TNS3: variants seen among roughly 807,000 people sequenced by gnomAD.
TNS3 encodes tensin-3.
TNS3 carries 45 observed loss-of-function variants against 140.9 expected under a neutral mutation model. The observed-to-expected ratio is 0.32, with a 90% CI of 0.25 to 0.41. The LOEUF (loss-of-function observed/expected upper bound fraction) is 0.41, where lower values mean the gene tolerates loss of function less well. Among genes scored for constraint, TNS3 ranks in the 10% least tolerant of loss-of-function variants. The pLI is 1.00. For missense variants in TNS3, 1,716 were observed against 1,906.7 expected (o/e 0.90, Z 1.86); for synonymous variants, 815 against 788.4 (o/e 1.03, Z -0.56).
intron 2 of TNS3, among the ~76,000 whole-genome samples, chr7:47,524,770 CCG>C (rs1584811161): frequency 1.5e-5 from 2 of 134,616 alleles, no homozygotes; most frequent in Non-Finnish European, 3.1e-5. Context: ...CCACTGCAGT[CCG>C]CAGTCCGGCC....
At chr7:47,426,141 G>A (rs1794638079) in intron 9 of TNS3, among the ~76,000 whole-genome samples, 1 of 152,082 alleles carries the variant, frequency 6.6e-6, no homozygotes, top group Non-Finnish European at 1.5e-5. Flanking sequence ...AATTAGCTGG[G>A]CATAGTGGCG....
intron 7 of TNS3, among the ~76,000 whole-genome samples, chr7:47,436,240 T>TA (rs1795175991): frequency 6.6e-6 from 1 of 152,238 alleles, no homozygotes; most frequent in African/African-American, 2.4e-5. Context: ...ATTGAGATAC[T>TA]ATTATACATA....
chr7:47,280,225 T>A, intron 29 of TNS3, 35 bp from the exon 30 acceptor site: 1 of 1,614,128 alleles, frequency 6.2e-7, no homozygotes, highest in East Asian at 2.2e-5. Flanking sequence ...AGGTTAATTT[T>A]TTTAAACTAA....
intron 4 of TNS3, among the ~76,000 whole-genome samples, chr7:47,451,512 T>C (rs1211087631): frequency 2.0e-5 from 3 of 151,988 alleles, no homozygotes; most frequent in East Asian, 3.9e-4. Flanking sequence ...ACCCAGGAGG[T>C]GGAGATTGCA....
chr7:47,384,798 G>T (rs1196939683), intron 16 of TNS3, among the ~76,000 whole-genome samples: 1 of 152,118 alleles, frequency 6.6e-6, no homozygotes, highest in Non-Finnish European at 1.5e-5. Flanking sequence ...CAGATCCATG[G>T]TGCTTCCTCT....
chr7:47,332,796 T>C (rs1788415655), intron 20 of TNS3, among the ~76,000 whole-genome samples: 1 of 152,154 alleles, frequency 6.6e-6, no homozygotes, highest in Non-Finnish European at 1.5e-5. Context: ...TTATGCAAAC[T>C]GTTCAAGATC....
chr7:47,414,095 G>C, intron 11 of TNS3, 98 bp from the exon 12 acceptor site: 2 of 1,277,744 alleles, frequency 1.6e-6, no homozygotes, highest in Non-Finnish European at 2.3e-6. Context: ...GAGACCAGGA[G>C]ACTGCACCTG....
intron 20 of TNS3, among the ~76,000 whole-genome samples, chr7:47,321,681 C>G (rs1458304139): frequency 6.6e-6 from 1 of 152,178 alleles, no homozygotes; most frequent in Non-Finnish European, 1.5e-5. Flanking sequence ...CATAATTACT[C>G]CTGTCTCATA....
In TNS3 at chr7:47,303,247, G is replaced by T. The variant is rs747738563; in HGVS notation, c.3160C>A (p.Pro1054Thr). ...SHGASPTPSI[P>T]LTATGAADNG... ...TCGGCAGCCCCTGTCGCTGTCAGCG[G>T]GATGCTGGGGGTCGGTGACGCTCCA... Residue 1054 changes from proline (P) to threonine (T), a missense_variant, in exon 22 of 31, where the codon CCG (proline) becomes ACG (threonine). Physicochemically the swap from Pro to Thr is conservative, Grantham distance 38. This residue lies in a region of TNS3 where 1,163 missense variants were observed against 1,182.1 expected (regional missense o/e 0.98). Coordinates refer to ENST00000311160, the MANE Select transcript of TNS3 (RefSeq NM_022748.12). 1 of 1,613,762 alleles carries T rather than the reference G, an allele frequency of 6.2e-7. No homozygotes were observed. Among genetic ancestry groups the T allele is most frequent in the Non-Finnish European group, 8.5e-7 (1 of 1,179,996 alleles).
At chr7:47,406,604 C>T (rs989645165) in intron 13 of TNS3, among the ~76,000 whole-genome samples, 7 of 152,146 alleles carry the variant, frequency 4.6e-5, no homozygotes, top group African/African-American at 7.2e-5. Flanking sequence ...AGCCACTTTC[C>T]GCCTTCAAAA....
At chr7:47,470,115 C>G (rs1195074234) in intron 4 of TNS3, among the ~76,000 whole-genome samples, 3 of 151,342 alleles carry the variant, frequency 2.0e-5, no homozygotes, top group Admixed American at 1.3e-4. Context: ...AACACAGGAA[C>G]AGAAAACAAA....
At chr7:47,391,963 G>A (rs550154993) in intron 16 of TNS3, among the ~76,000 whole-genome samples, 4 of 152,288 alleles carry the variant, frequency 2.6e-5, no homozygotes, top group South Asian at 4.2e-4. Flanking sequence ...TGCCATCGCC[G>A]ACAGTGTACG....
At chr7:47,574,879 G>C (rs1322521856) in intron 1 of TNS3, among the ~76,000 whole-genome samples, 1 of 152,126 alleles carries the variant, frequency 6.6e-6, no homozygotes, top group Admixed American at 6.5e-5. Flanking sequence ...GGGAGTTAGT[G>C]CTTAAGGGAC....
chr7:47,549,421 G>C (rs568711902), intron 1 of TNS3, among the ~76,000 whole-genome samples: 1 of 152,222 alleles, frequency 6.6e-6, no homozygotes, highest in African/African-American at 2.4e-5. Flanking sequence ...CTTGAACCCA[G>C]GAGGCGGAGG....
chr7:47,393,598 A>G (rs530955166), intron 16 of TNS3, among the ~76,000 whole-genome samples: 2 of 152,170 alleles, frequency 1.3e-5, no homozygotes, highest in South Asian at 4.2e-4. Context: ...TGGGCTTCAG[A>G]TATCATCGAG....
intron 23 of TNS3, among the ~76,000 whole-genome samples, chr7:47,300,301 C>A (rs577680686): frequency 6.6e-6 from 1 of 152,176 alleles, no homozygotes; most frequent in Non-Finnish European, 1.5e-5. Context: ...GAAAGTTATC[C>A]TTTTAGAGCT....
chr7:47,392,343 TCA>T lies in TNS3; in HGVS notation c.1024+4455_1024+4456del, dbSNP rs1792571200. On this transcript the variant is annotated intron_variant, in intron 16 of 30. Transcript: ENST00000311160. ...TGAGTATAGAAGCAGAATGTTGCGC[TCA>T]CACATCAAAGCCAGCGCTCCCCTAA... Among the ~76,000 whole-genome samples the T allele has an allele frequency of 3.9e-5, 6 of 152,258 alleles. No individual in the cohort carries two copies. The South Asian group carries it at 1.2e-3, about 32-fold the overall frequency.
chr7:47,340,159 C>T (rs1310008635), intron 20 of TNS3, among the ~76,000 whole-genome samples: 2 of 108,706 alleles, frequency 1.8e-5, no homozygotes, highest in South Asian at 3.5e-4. Context: ...GAGTCTAGCT[C>T]GTCGCCAGGC....
At chr7:47,521,756 A>T (rs1798988446) in intron 2 of TNS3, among the ~76,000 whole-genome samples, 1 of 152,082 alleles carries the variant, frequency 6.6e-6, no homozygotes, top group Non-Finnish European at 1.5e-5. Flanking sequence ...CACCTGGGGG[A>T]GTCAGGAGAG....
Sources: gnomAD v4.1 joint callset for allele counts (sites outside exome capture counted in the v4.1 genomes callset) on GRCh38, gnomAD v4.1.1 for gene constraint, gnomAD v4.1.1 regional missense constraint, MANE v1.5 for transcripts, NCBI Gene and HGNC (gene_info 2026-07-23, HGNC 2026-07-21) for gene names.